RARB: variants seen among roughly 807,000 people sequenced by gnomAD.
RARB encodes the protein HBV-activated protein.
RARB carries 17 observed loss-of-function variants against 51.9 expected under a neutral mutation model. That is an observed-to-expected ratio of 0.33 (90% CI 0.22 to 0.49). The LOEUF is 0.49. Ranked by LOEUF, RARB falls within the 20% of genes least tolerant of loss-of-function variation. RARB has a pLI of 0.99. For synonymous variants in RARB, 215 were observed against 195.4 expected (o/e 1.10, Z -0.84); for missense variants, 369 against 550.8 (o/e 0.67, Z 3.30).
intron 2 of RARB, among the ~76,000 whole-genome samples, chr3:24,906,219 T>C (rs1694861420): frequency 6.6e-6 from 1 of 152,124 alleles, no homozygotes; most frequent in Non-Finnish European, 1.5e-5. Flanking sequence ...TGGGTAGAAG[T>C]AGTCTATTTG....
At chr3:24,979,915 T>A (rs1696606046) in intron 2 of RARB, among the ~76,000 whole-genome samples, 3 of 152,186 alleles carry the variant, frequency 2.0e-5, no homozygotes, top group Admixed American at 2.0e-4. Flanking sequence ...CTGGTATTGG[T>A]TCTTTATTTC....
chr3:24,903,751 T>A (rs1694781027), intron 2 of RARB, among the ~76,000 whole-genome samples: 2 of 152,174 alleles, frequency 1.3e-5, no homozygotes, highest in African/African-American at 4.8e-5. Context: ...AAAGGAAGCA[T>A]ATTCTGAGAA....
chr3:25,028,488 C>T (rs1202775402), intron 2 of RARB, among the ~76,000 whole-genome samples: 1 of 152,122 alleles, frequency 6.6e-6, no homozygotes, highest in African/African-American at 2.4e-5. Context: ...GAGTCGTTGC[C>T]AATATGTAGT....
intron 2 of RARB, among the ~76,000 whole-genome samples, chr3:24,886,842 T>C (rs909254963): frequency 4.6e-5 from 7 of 152,214 alleles, no homozygotes; most frequent in Non-Finnish European, 1.0e-4. Context: ...GTTGGATTCA[T>C]TTTAGGTTGC....
At chr3:25,277,286 G>A (rs1703419170) in intron 5 of RARB, among the ~76,000 whole-genome samples, 1 of 152,178 alleles carries the variant, frequency 6.6e-6, no homozygotes, top group African/African-American at 2.4e-5. Context: ...CCACCTAGCA[G>A]CGTAGCCTGG....
At chr3:25,361,898 C>T (rs1281320916) in intron 5 of RARB, among the ~76,000 whole-genome samples, 2 of 152,090 alleles carry the variant, frequency 1.3e-5, no homozygotes, top group Admixed American at 6.5e-5. Flanking sequence ...TGGAGGTGTC[C>T]TGTTTGAGGT....
rs746760676 is a variant in RARB at position 25,569,773 on chromosome 3, G to T, written c.464G>T (p.Arg155Met). The T allele has an allele frequency of 6.2e-7, 1 of 1,613,944 alleles. No homozygotes were observed. Among genetic ancestry groups the T allele is most frequent in the Non-Finnish European group, 8.5e-7 (1 of 1,179,950 alleles). Residue 155 changes from arginine to methionine, a missense_variant, in exon 4 of 8, where the codon AGG (arginine) becomes ATG (methionine). This residue lies in a region of RARB where 46 missense variants were observed against 43.2 expected (regional missense o/e 1.07). Transcript: ENST00000330688. The part of the protein sequence containing the change: ...GMSKESVRND[R>M]NKKKKETSKQ... ...TCGTTTCCAGCTGTCAGGAATGACA[G>T]GAACAAGAAAAAGAAGGAGACTTCG...
intron 5 of RARB, among the ~76,000 whole-genome samples, chr3:25,332,167 T>C (rs1395464261): frequency 1.3e-5 from 2 of 152,160 alleles, no homozygotes; most frequent in African/African-American, 4.8e-5. Flanking sequence ...CCTCCCTAAC[T>C]CATTTTATGA....
chr3:25,162,711 C>T (rs1226965839), intron 4 of RARB, among the ~76,000 whole-genome samples: 1 of 152,182 alleles, frequency 6.6e-6, no homozygotes. Context: ...TTTCCTGTAG[C>T]ATAATGTTTT....
At chr3:25,456,139 A>G (rs1193070943) in intron 1 of RARB, among the ~76,000 whole-genome samples, 1 of 152,242 alleles carries the variant, frequency 6.6e-6, no homozygotes, top group Non-Finnish European at 1.5e-5. Context: ...CTTGCCTGCA[A>G]TAAGGAACAA....
chr3:25,038,697 TG>T (rs1698053961), intron 2 of RARB, among the ~76,000 whole-genome samples: 1 of 152,186 alleles, frequency 6.6e-6, no homozygotes, highest in Non-Finnish European at 1.5e-5. Flanking sequence ...CATTTAAGTG[TG>T]GAAACTTGTC....
chr3:24,857,400 T>A (rs1295066113), intron 1 of RARB, among the ~76,000 whole-genome samples: 1 of 152,242 alleles, frequency 6.6e-6, no homozygotes, highest in African/African-American at 2.4e-5. Flanking sequence ...TCTAGGGTCG[T>A]CAGATAAAAT....
At chr3:25,472,683 T>A (rs768187793) in intron 2 of RARB, among the ~76,000 whole-genome samples, 3 of 152,226 alleles carry the variant, frequency 2.0e-5, no homozygotes, top group Non-Finnish European at 4.4e-5. Flanking sequence ...TAAATACATT[T>A]CTGTAAGGTT....
chr3:25,490,930 A>G (rs1696702891), intron 2 of RARB, among the ~76,000 whole-genome samples: 2 of 152,202 alleles, frequency 1.3e-5, no homozygotes, highest in South Asian at 2.1e-4. Flanking sequence ...CTTGCATTTT[A>G]GAGGCTTCGT....
chr3:25,050,222 C>T (rs1358852588), intron 2 of RARB, among the ~76,000 whole-genome samples: 5 of 152,088 alleles, frequency 3.3e-5, no homozygotes, highest in African/African-American at 4.8e-5. Context: ...ATCTGTGCTT[C>T]TCCTTGACTC....
intron 5 of RARB, among the ~76,000 whole-genome samples, chr3:25,192,060 G>C (rs1701117114): frequency 6.6e-6 from 1 of 152,034 alleles, no homozygotes; most frequent in Non-Finnish European, 1.5e-5. Flanking sequence ...TGAGAGTTTT[G>C]AATGTTCAAA....
At chr3:25,080,343 CTT>C (rs1424329585) in intron 3 of RARB, among the ~76,000 whole-genome samples, 1 of 152,152 alleles carries the variant, frequency 6.6e-6, no homozygotes, top group Non-Finnish European at 1.5e-5. Flanking sequence ...TTAACAAACA[CTT>C]CAGATATTTC....
chr3:25,223,963 TGA>T (rs564387081), intron 5 of RARB, among the ~76,000 whole-genome samples: 74 of 152,226 alleles, frequency 4.9e-4, no homozygotes, highest in Non-Finnish European at 1.0e-3. Flanking sequence ...AAAAATTTTT[TGA>T]GTTATACATG....
At chr3:25,342,804 C>T (rs553797312) in intron 5 of RARB, among the ~76,000 whole-genome samples, 2 of 152,176 alleles carry the variant, frequency 1.3e-5, no homozygotes, top group Admixed American at 6.5e-5. Context: ...CGGTAGGTAG[C>T]ACAGCTTGGC....
Sources: gnomAD v4.1 joint callset for allele counts (sites outside exome capture counted in the v4.1 genomes callset) on GRCh38, gnomAD v4.1.1 for gene constraint, gnomAD v4.1.1 regional missense constraint, MANE v1.5 for transcripts, NCBI Gene and HGNC (gene_info 2026-07-23, HGNC 2026-07-21) for gene names.